Variants in NCOA3 observed in about 807,000 individuals in gnomAD.
The protein encoded by NCOA3 is CBP-interacting protein.
Under a neutral mutation model 158.8 loss-of-function variants are expected in NCOA3, and 51 were observed. That is an observed-to-expected ratio of 0.32 (90% CI 0.26 to 0.41). The LOEUF is 0.41. Among genes scored for constraint, NCOA3 ranks in the 10% least tolerant of loss-of-function variants. The probability of loss-of-function intolerance (pLI) is 1.00; values close to 1 mark genes in which losing one functional copy is unlikely to be tolerated. For missense variants in NCOA3, 1,510 were observed against 1,746.6 expected, an observed-to-expected ratio of 0.86 and a Z score of 2.41; for synonymous variants, 537 against 592.4, an observed-to-expected ratio of 0.91 and a Z score of 1.36.
chr20:47,521,347 CTT>C (rs57595765), intron 1 of NCOA3, among the ~76,000 whole-genome samples: 1 of 148,336 alleles, frequency 6.7e-6, no homozygotes, highest in East Asian at 2.0e-4. Context: ...ATAAGATTTT[CTT>C]TTTTTTTTTC....
At position 47,652,461 on chromosome 20, in the gene NCOA3, A is replaced by T. The variant is rs1197458856; in HGVS notation, c.4002A>T (p.Ala1334=). The part of the protein sequence containing the change: ...AFGRVSSPPN[A]MMSSRMGPSQ... ...GTCGAGTGTCTAGTCCTCCCAATGC[A>T]ATGATGTCGTCAAGAATGGGTCCCT... Residue 1334 remains alanine (A), a synonymous_variant, in exon 21 of 23, where the codon GCA becomes GCT. Coordinates refer to ENST00000371998, the MANE Select transcript of NCOA3 (RefSeq NM_181659.3). 1 of 1,614,044 alleles carries T rather than the reference A, an allele frequency of 6.2e-7. No homozygotes were observed. Among genetic ancestry groups the T allele is most frequent in the Non-Finnish European group, 8.5e-7 (1 of 1,179,886 alleles).
chr20:47,648,979 A>G, intron 18 of NCOA3, 26 bp from the exon 19 acceptor site: 2 of 1,503,420 alleles, frequency 1.3e-6, no homozygotes, highest in Non-Finnish European at 1.8e-6. Context: ...CTCTGCTTGC[A>G]TTCTAACCAA....
intron 17 of NCOA3, 77 bp from the exon 18 acceptor site, chr20:47,646,996 T>C: frequency 7.4e-7 from 1 of 1,359,852 alleles, no homozygotes; most frequent in Non-Finnish European, 1.0e-6. Context: ...GGATGTTTTT[T>C]GCACTTTCTT....
In NCOA3 at chr20:47,655,623, G is replaced by A. The variant is rs2086859142; in HGVS notation, c.*2206G>A. The stretch of plus-strand genomic sequence containing the variant: ...TGTAGTGGCCTGTGCTTTTCAGATA[G>A]TATACTCTCCTGTTTGGAGACAGAG... On this transcript the variant is annotated 3_prime_UTR_variant, in exon 23 of 23. Coordinates refer to ENST00000371998, the MANE Select transcript of NCOA3 (RefSeq NM_181659.3). 6.6e-6 allele frequency: 1 copy of A among 152,524 alleles called. No individual in the cohort carries two copies. The highest frequency in any genetic ancestry group is 1.5e-5 in the Non-Finnish European group (1 of 68,026). The allele number at this position is 152,524 out of a possible 1,614,324, so 9.4% of individuals were successfully genotyped here.
chr20:47,653,845 A>C lies in NCOA3; in HGVS notation c.*428A>C, dbSNP rs1405531991. The C allele has an allele frequency of 2.2e-5, 4 of 181,770 alleles. No individual in the cohort carries two copies. The highest frequency in any genetic ancestry group is 4.6e-5 in the Non-Finnish European group (4 of 86,882). 11.3% of individuals were successfully genotyped at this position (181,770 alleles called of 1,614,324 possible). ...GTTTCTCTAGTTGCAGTATTGGACAAAGAGCATAGTCCCAGCCTTCAGGTG... is the reference window on the plus strand; with the variant it reads ...GTTTCTCTAGTTGCAGTATTGGACACAGAGCATAGTCCCAGCCTTCAGGTG... On this transcript the variant is annotated 3_prime_UTR_variant, in exon 23 of 23. Transcript: ENST00000371998.
Position 47,627,124 on chromosome 20 carries a change from C to T in NCOA3, c.480C>T (p.Ile160=), listed in dbSNP as rs1331584222. ...TGGTTAACACAAGTGTTTACAATAT[C>T]TTACATGAAGAAGACAGAAAGGATT... ...EDLVNTSVYN[I]LHEEDRKDFL... The change falls in exon 6 of 23, where the codon ATC becomes ATT. Residue 160 remains isoleucine (I), a synonymous_variant. Coordinates refer to ENST00000371998, the MANE Select transcript of NCOA3 (RefSeq NM_181659.3). The T allele has an allele frequency of 6.2e-7, 1 of 1,611,796 alleles. No homozygotes were observed.
Position 47,622,255 on chromosome 20 carries a change from G to A in NCOA3, c.8G>A (p.Gly3Glu). The part of the protein sequence containing the change: MS[G>E]LGENLDPLAS... ...TGCTGATGTATATTCAAGATGAGTG[G>A]ATTAGGAGAAAACTTGGATCCACTG... The change falls in exon 3 of 23, where the codon GGA becomes GAA. Residue 3 changes from glycine (G) to glutamate (E), a missense_variant. Gly to Glu is a moderately conservative substitution (Grantham distance 98). This residue lies in a region of NCOA3 where 309 missense variants were observed against 427.1 expected (regional missense o/e 0.72). Transcript: ENST00000371998. 1 of 1,601,860 alleles carries A rather than the reference G, an allele frequency of 6.2e-7. No individual in the cohort carries two copies. The highest frequency in any genetic ancestry group is 8.5e-7 in the Non-Finnish European group (1 of 1,173,704).
At chr20:47,587,945 A>G (rs1232704574) in intron 2 of NCOA3, among the ~76,000 whole-genome samples, 1 of 151,942 alleles carries the variant, frequency 6.6e-6, no homozygotes, top group Non-Finnish European at 1.5e-5. Context: ...TCATTTGCCT[A>G]ATCCTCTAAT....
chr20:47,567,631 A>C (rs964899887), intron 1 of NCOA3, among the ~76,000 whole-genome samples: 2 of 150,844 alleles, frequency 1.3e-5, no homozygotes, highest in Admixed American at 6.6e-5. Context: ...GTGCAGTGGC[A>C]TGATCTTGGC....
At chr20:47,634,012 C>T (rs2086464958) in intron 9 of NCOA3, 36 bp from the exon 10 acceptor site, 2 of 1,612,144 alleles carry the variant, frequency 1.2e-6, no homozygotes, top group Admixed American at 3.3e-5. Flanking sequence ...GTTTTGCTGA[C>T]TGTAGTTACC....
intron 1 of NCOA3, among the ~76,000 whole-genome samples, chr20:47,569,415 C>T (rs140974129): frequency 3.6e-4 from 55 of 152,172 alleles, no homozygotes; most frequent in Admixed American, 1.7e-3. Context: ...TGCGGTGGCT[C>T]ATGCCTGTAA....
intron 1 of NCOA3, among the ~76,000 whole-genome samples, chr20:47,568,343 A>G (rs2085232451): frequency 6.6e-6 from 1 of 152,174 alleles, no homozygotes; most frequent in East Asian, 1.9e-4. Context: ...AGAAGAAAAA[A>G]AAATACAGGC....
chr20:47,524,026 C>T (rs2084387020), intron 1 of NCOA3, among the ~76,000 whole-genome samples: 1 of 152,140 alleles, frequency 6.6e-6, no homozygotes, highest in Non-Finnish European at 1.5e-5. Flanking sequence ...TAATAGGAGC[C>T]AGAATAGATG....
At chr20:47,646,997 G>T in intron 17 of NCOA3, 76 bp from the exon 18 acceptor site, 1 of 1,369,400 alleles carries the variant, frequency 7.3e-7, no homozygotes, top group Non-Finnish European at 1.0e-6. Flanking sequence ...GATGTTTTTT[G>T]CACTTTCTTT....
intron 18 of NCOA3, among the ~76,000 whole-genome samples, chr20:47,648,388 G>GT (rs1568756128): frequency 6.6e-6 from 1 of 152,066 alleles, no homozygotes; most frequent in African/African-American, 2.4e-5. Flanking sequence ...CAACTTAAAG[G>GT]TATTTCCCCA....
intron 2 of NCOA3, among the ~76,000 whole-genome samples, chr20:47,595,245 C>A (rs535518519): frequency 6.6e-6 from 1 of 151,962 alleles, no homozygotes; most frequent in Non-Finnish European, 1.5e-5. Context: ...ACTACAGGCA[C>A]GTACCACCAT....
intron 1 of NCOA3, among the ~76,000 whole-genome samples, chr20:47,570,939 T>TATATATACAC (rs369516174): frequency 8.7e-6 from 1 of 114,872 alleles, no homozygotes; most frequent in African/African-American, 3.5e-5. Flanking sequence ...GTAATATATA[T>TATATATACAC]ACACACACAC....
intron 12 of NCOA3, 145 bp from the exon 13 acceptor site, chr20:47,637,503 C>A: frequency 1.9e-6 from 1 of 525,090 alleles, no homozygotes; most frequent in Non-Finnish European, 3.1e-6. Context: ...TCATAATAAA[C>A]TGGCCTTTCA....
At chr20:47,620,481 A>G (rs1197344603) in intron 2 of NCOA3, among the ~76,000 whole-genome samples, 1 of 152,252 alleles carries the variant, frequency 6.6e-6, no homozygotes, top group Non-Finnish European at 1.5e-5. Context: ...TTTTAAACTT[A>G]AAGCAAGGTT....
Sources: gnomAD v4.1 joint callset for allele counts (sites outside exome capture counted in the v4.1 genomes callset) on GRCh38, gnomAD v4.1.1 for gene constraint, gnomAD v4.1.1 regional missense constraint, MANE v1.5 for transcripts, NCBI Gene and HGNC (gene_info 2026-07-23, HGNC 2026-07-21) for gene names.